Variants in AUTS2 observed in about 807,000 individuals in gnomAD.
The protein encoded by AUTS2 is activator of transcription and developmental regulator AUTS2.
A neutral mutation model predicts 112.4 loss-of-function variants in AUTS2; 17 were observed. The ratio of observed to expected loss-of-function variants is 0.15; its 90% confidence interval spans 0.10 to 0.23. The LOEUF (loss-of-function observed/expected upper bound fraction) is 0.23, where lower values mean the gene tolerates loss of function less well. Among genes scored for constraint, AUTS2 ranks in the 10% least tolerant of loss-of-function variants. AUTS2 has a pLI of 1.00. For missense variants in AUTS2, 1,510 were observed against 1,701.6 expected (o/e 0.89, Z 1.98); for synonymous variants, 751 against 702.7 (o/e 1.07, Z -1.09).
intron 5 of AUTS2, among the ~76,000 whole-genome samples, chr7:70,682,389 A>G (rs1439204227): frequency 6.6e-6 from 1 of 152,232 alleles, no homozygotes; most frequent in East Asian, 1.9e-4. Context: ...TTATTCTTTC[A>G]TTAAAATTGT....
chr7:70,122,165 CT>C (rs1162491190), intron 3 of AUTS2, among the ~76,000 whole-genome samples: 1 of 152,096 alleles, frequency 6.6e-6, no homozygotes, highest in Non-Finnish European at 1.5e-5. Flanking sequence ...TAGAATAGAA[CT>C]TACCAGGAAT....
At chr7:70,724,998 G>A (rs1355824827) in intron 6 of AUTS2, among the ~76,000 whole-genome samples, 1 of 152,218 alleles carries the variant, frequency 6.6e-6, no homozygotes, top group Admixed American at 6.5e-5. Context: ...GCACATGCTT[G>A]TGCAGGGGTG....
At chr7:70,172,295 A>G (rs117520879) in intron 4 of AUTS2, among the ~76,000 whole-genome samples, 3,602 of 152,306 alleles carry the variant, frequency 0.024, 72 homozygotes, top group Admixed American at 0.039. Flanking sequence ...CAAGGCAGGA[A>G]ATACAGCTTT....
intron 4 of AUTS2, among the ~76,000 whole-genome samples, chr7:70,301,088 C>G (rs559726248): frequency 1.3e-5 from 2 of 152,120 alleles, no homozygotes; most frequent in African/African-American, 4.8e-5. Flanking sequence ...AAAATAAATT[C>G]TTTATATGAG....
Position 70,576,128 on chromosome 7 carries a change from AT to A in AUTS2, c.691-122435del, listed in dbSNP as rs368367503. On this transcript the variant is annotated intron_variant, in intron 5 of 18. Transcript: ENST00000342771. ...CAAAGCAGACTCTAGGCAGATGTAC[AT>A]TTTTTATTGCACTTGAGTCCCAAAT... Among the ~76,000 whole-genome samples the A allele has an allele frequency of 2.0e-4, 30 of 152,148 alleles. No homozygotes were observed. The East Asian group carries it at 2.9e-3, about 15-fold the overall frequency.
At chr7:70,635,283 GTCC>G (rs1303638729) in intron 5 of AUTS2, among the ~76,000 whole-genome samples, 1 of 152,198 alleles carries the variant, frequency 6.6e-6, no homozygotes, top group Non-Finnish European at 1.5e-5. Context: ...TCTCCTGTGT[GTCC>G]TCTCAACTTT....
At chr7:70,408,158 G>A (rs537021052) in intron 4 of AUTS2, among the ~76,000 whole-genome samples, 1 of 151,694 alleles carries the variant, frequency 6.6e-6, no homozygotes, top group Non-Finnish European at 1.5e-5. Flanking sequence ...TCCCACCTGG[G>A]TGACAGAGCG....
At chr7:70,069,925 A>G (rs1802676722) in intron 2 of AUTS2, among the ~76,000 whole-genome samples, 1 of 152,060 alleles carries the variant, frequency 6.6e-6, no homozygotes, top group African/African-American at 2.4e-5. Flanking sequence ...TATAGGGAGT[A>G]AAAAATGCAG....
At chr7:70,625,002 GCCAGCA>G (rs1196905575) in intron 5 of AUTS2, among the ~76,000 whole-genome samples, 1 of 151,984 alleles carries the variant, frequency 6.6e-6, no homozygotes, top group African/African-American at 2.4e-5. Context: ...CCACTCCACA[GCCAGCA>G]GCCTGGCTCA....
chr7:69,651,548 C>T (rs1406250815), intron 1 of AUTS2, among the ~76,000 whole-genome samples: 8 of 152,212 alleles, frequency 5.3e-5, no homozygotes, highest in African/African-American at 1.9e-4. Flanking sequence ...CTTAAAAGGA[C>T]TGACTGTGTT....
chr7:69,903,975 T>C (rs1242003294), intron 2 of AUTS2, among the ~76,000 whole-genome samples: 1 of 152,232 alleles, frequency 6.6e-6, no homozygotes, highest in Non-Finnish European at 1.5e-5. Flanking sequence ...TTGTAAACTG[T>C]AGACACCAAA....
chr7:70,543,457 A>G (rs1008875722), intron 5 of AUTS2, among the ~76,000 whole-genome samples: 3 of 150,654 alleles, frequency 2.0e-5, no homozygotes, highest in African/African-American at 7.3e-5. Flanking sequence ...TGAACCCGGG[A>G]GGCAGAGGTT....
chr7:69,897,090 T>G (rs577198812), intron 1 of AUTS2, among the ~76,000 whole-genome samples: 2 of 152,326 alleles, frequency 1.3e-5, no homozygotes, highest in South Asian at 4.1e-4. Context: ...ACATTGGTAC[T>G]TGGCATGTAC....
chr7:70,189,015 G>A (rs901389310), intron 4 of AUTS2, among the ~76,000 whole-genome samples: 2 of 151,962 alleles, frequency 1.3e-5, no homozygotes, highest in African/African-American at 2.4e-5. Context: ...TAGGAATTAC[G>A]CCAAGAACAG....
intron 4 of AUTS2, among the ~76,000 whole-genome samples, chr7:70,347,872 A>G (rs562154818): frequency 3.7e-4 from 56 of 152,208 alleles, no homozygotes; most frequent in African/African-American, 1.3e-3. Flanking sequence ...GGCCTAGAGG[A>G]CTGTATCCTT....
intron 2 of AUTS2, among the ~76,000 whole-genome samples, chr7:70,087,372 CTT>C (rs571292584): frequency 6.5e-5 from 9 of 137,618 alleles, no homozygotes; most frequent in Non-Finnish European, 7.9e-5. Context: ...TTTTCTTTTT[CTT>C]TTTTTTTTTT....
rs188719395 is a variant in AUTS2, at chr7:70,250,914, G to A, written c.660+116343G>A. Among the ~76,000 whole-genome samples, 285 of 152,238 alleles carry A rather than the reference G, an allele frequency of 1.9e-3. 4 individuals are homozygous for A. Among genetic ancestry groups the A allele is most frequent in the Non-Finnish European group, 3.0e-3 (203 of 68,010 alleles). On this transcript the variant is annotated intron_variant, in intron 4 of 18. Coordinates refer to ENST00000342771, the MANE Select transcript of AUTS2 (RefSeq NM_015570.4). ...GGATCAAAAAACTATCAGGTACTATGCTTATTACCCAGGTGACAAAATTAT... is the reference window on the plus strand; with the variant it reads ...GGATCAAAAAACTATCAGGTACTATACTTATTACCCAGGTGACAAAATTAT...
chr7:70,671,262 C>T (rs1026685470), intron 5 of AUTS2, among the ~76,000 whole-genome samples: 1 of 152,302 alleles, frequency 6.6e-6, no homozygotes, highest in Non-Finnish European at 1.5e-5. Context: ...TTATTACACC[C>T]GCTGCCTCCC....
chr7:70,267,009 C>T (rs1370033354), intron 4 of AUTS2, among the ~76,000 whole-genome samples: 4 of 152,122 alleles, frequency 2.6e-5, no homozygotes, highest in Non-Finnish European at 4.4e-5. Context: ...TTGGTGACAG[C>T]GCAATAATGG....
Sources: allele counts gnomAD v4.1 joint callset (sites outside exome capture counted in the v4.1 genomes callset), GRCh38; gene constraint gnomAD v4.1.1; transcripts MANE v1.5; gene names NCBI Gene and HGNC (gene_info 2026-07-23, HGNC 2026-07-21).